ARHGEF38: variants seen among roughly 807,000 people sequenced by gnomAD.
ARHGEF38 encodes the protein Rho guanine nucleotide exchange factor (GEF) 38.
ARHGEF38 carries 79 observed loss-of-function variants against 79.9 expected under a neutral mutation model. That is an observed-to-expected ratio of 0.99 (90% CI 0.82 to 1.19). The LOEUF is 1.19. ARHGEF38 is among the 50% of genes most tolerant of loss of function. The pLI is 0.00. For synonymous variants in ARHGEF38, 366 were observed against 328.3 expected (o/e 1.11, Z -1.24); for missense variants, 962 against 907.2 (o/e 1.06, Z -0.78).
At chr4:105,635,962 A>G (rs1018482195) in intron 4 of ARHGEF38, among the ~76,000 whole-genome samples, 6 of 152,104 alleles carry the variant, frequency 3.9e-5, no homozygotes, top group Non-Finnish European at 8.8e-5. Context: ...CCACATATAC[A>G]AAGTACTGAG....
downstream of ARHGEF38, among the ~76,000 whole-genome samples, chr4:105,682,213 AG>A (rs1399618031): frequency 1.3e-5 from 2 of 152,236 alleles, no homozygotes; most frequent in East Asian, 3.8e-4. Flanking sequence ...TAAATCAATT[AG>A]GAAAATCCAT....
At chr4:105,576,973 C>T (rs1726533700) in intron 1 of ARHGEF38, among the ~76,000 whole-genome samples, 1 of 152,056 alleles carries the variant, frequency 6.6e-6, no homozygotes, top group Non-Finnish European at 1.5e-5. Flanking sequence ...ACACACTTGA[C>T]CATGGTGTAT....
chr4:105,675,150 C>T (rs116275642), intron 13 of ARHGEF38, among the ~76,000 whole-genome samples: 3,491 of 152,268 alleles, frequency 0.023, 44 homozygotes, highest in Middle Eastern at 0.051. Flanking sequence ...CAGTCCCTCT[C>T]CGCAAGAATA....
At chr4:105,587,586 A>G (rs1338020732) in intron 1 of ARHGEF38, among the ~76,000 whole-genome samples, 2 of 152,100 alleles carry the variant, frequency 1.3e-5, no homozygotes, top group African/African-American at 4.8e-5. Context: ...TCAGCCTTCA[A>G]AGTAGCTGGG....
At chr4:105,625,361 T>G (rs1184402683) in intron 3 of ARHGEF38, among the ~76,000 whole-genome samples, 1 of 152,208 alleles carries the variant, frequency 6.6e-6, no homozygotes, top group East Asian at 1.9e-4. Flanking sequence ...TAAGTTCAGC[T>G]GGGAGAAACA....
At chr4:105,628,759 C>A (rs1386061603) in intron 3 of ARHGEF38, among the ~76,000 whole-genome samples, 1 of 151,988 alleles carries the variant, frequency 6.6e-6, no homozygotes, top group Non-Finnish European at 1.5e-5. Flanking sequence ...TCTCACATTA[C>A]CTCAGAGTCT....
At chr4:105,640,633 C>T (rs1358508055) in intron 5 of ARHGEF38, among the ~76,000 whole-genome samples, 1 of 152,150 alleles carries the variant, frequency 6.6e-6, no homozygotes, top group Non-Finnish European at 1.5e-5. Context: ...TGGTGGAGTA[C>T]ATCCTTCAGT....
At chr4:105,597,583 A>G (rs1727637117) in intron 2 of ARHGEF38, among the ~76,000 whole-genome samples, 1 of 152,198 alleles carries the variant, frequency 6.6e-6, no homozygotes, top group South Asian at 2.1e-4. Context: ...ACTTTCTTAA[A>G]GTTGGCTACT....
At chr4:105,620,959 C>T (rs997660878) in intron 3 of ARHGEF38, among the ~76,000 whole-genome samples, 1 of 152,172 alleles carries the variant, frequency 6.6e-6, no homozygotes, top group Non-Finnish European at 1.5e-5. Context: ...ATTTTGGAAG[C>T]CTGCCATTTA....
At position 105,664,074 on chromosome 4, in the gene ARHGEF38, G is replaced by A. The variant is rs1730663321; in HGVS notation, c.1546-2103G>A. 3.3e-5 allele frequency among the ~76,000 whole-genome samples: 5 copies of A among 151,918 alleles called. No homozygotes were observed. The South Asian group carries it at 1.0e-3, about 32-fold the overall frequency. ...TCATTTGGGTTGTGTCTATCTCTTG[G>A]CTATTGTGAATAATGCTGCAATGAC... On this transcript the variant is annotated intron_variant, in intron 10 of 13. Coordinates refer to ENST00000420470, the MANE Select transcript of ARHGEF38 (RefSeq NM_001242729.2).
At position 105,655,613 on chromosome 4, in the gene ARHGEF38, C is replaced by A. The variant is rs1303280841; in HGVS notation, c.1124C>A (p.Pro375His). The A allele has an allele frequency of 6.5e-7, 1 of 1,534,760 alleles. No individual in the cohort carries two copies. The highest frequency in any genetic ancestry group is 8.7e-7 in the Non-Finnish European group (1 of 1,146,216). The change falls in exon 9 of 14, where the codon CCC (proline) becomes CAC (histidine). Residue 375 changes from proline (P) to histidine (H), a missense_variant. By Grantham distance (77) the Pro-to-His change is moderately conservative. Transcript: ENST00000420470. ...GTTCTTGGGTTTCAGGATGCCATGC[C>A]CCTGGCTCTGCAGAGTGTGATGGAC... Reference protein sequence around the residue: ...LCLQHIQDAMPLALQSVMDLQ... With the variant: ...LCLQHIQDAMHLALQSVMDLQ...
At chr4:105,556,579 GT>G (rs752822293) in intron 1 of ARHGEF38, among the ~76,000 whole-genome samples, 5 of 152,066 alleles carry the variant, frequency 3.3e-5, no homozygotes, top group Non-Finnish European at 7.4e-5. Context: ...GTCTGAAATG[GT>G]TTTTGTTTCC....
At chr4:105,642,344 T>C (rs1729653906) in intron 5 of ARHGEF38, among the ~76,000 whole-genome samples, 1 of 152,180 alleles carries the variant, frequency 6.6e-6, no homozygotes. Context: ...GAGAACGCCT[T>C]TTTTAGGATT....
Position 105,680,693 on chromosome 4 carries a change from T to G in ARHGEF38, c.*2756T>G, listed in dbSNP as rs999319635. 1 of 152,272 alleles carries G rather than the reference T, an allele frequency of 6.6e-6. No homozygotes were observed. Among genetic ancestry groups the G allele is most frequent in the African/African-American group, 2.4e-5 (1 of 41,440 alleles). 9.4% of individuals were successfully genotyped at this position (152,272 alleles called of 1,614,324 possible). On this transcript the variant is annotated 3_prime_UTR_variant, in exon 14 of 14. Transcript: ENST00000420470. Reference sequence around the variant, plus strand: ...TACGGTATATGTGTACTTATACATATGTACATAACCTAAATATACGTGTGC... The same window carrying G: ...TACGGTATATGTGTACTTATACATAGGTACATAACCTAAATATACGTGTGC...
Position 105,621,321 on chromosome 4 carries a change from T to C in ARHGEF38, c.508+7814T>C, listed in dbSNP as rs185881494. Among the ~76,000 whole-genome samples the C allele has an allele frequency of 4.4e-3, 668 of 152,388 alleles. 9 individuals are homozygous for C. The highest frequency in any genetic ancestry group is 0.015 in the African/African-American group (626 of 41,598). ...TAACCCAATAGCAATAGTCCTCTTA[T>C]ATGTGTTTGCATATTATAATGTTTC... On this transcript the variant is annotated intron_variant, in intron 3 of 13. Transcript: ENST00000420470.
Position 105,641,209 on chromosome 4 carries a change from G to GT in ARHGEF38, c.675-3978dup, listed in dbSNP as rs1729602753. ...TTTCAAGACATTATCTCCAACACTT[G>GT]TAAGAATTAGACACTTTCTTAAACA... is the stretch of plus-strand genomic sequence containing the variant. On this transcript the variant is annotated intron_variant, in intron 5 of 13. Coordinates refer to ENST00000420470, the MANE Select transcript of ARHGEF38 (RefSeq NM_001242729.2). Among the ~76,000 whole-genome samples, 2 of 151,770 alleles carry GT rather than the reference G, an allele frequency of 1.3e-5. 1 individual carries two copies. Among genetic ancestry groups the GT allele is most frequent in the Admixed American group, 1.3e-4 (2 of 15,214 alleles).
At chr4:105,566,131 G>A (rs7440980) in intron 1 of ARHGEF38, among the ~76,000 whole-genome samples, 3,815 of 152,138 alleles carry the variant, frequency 0.025, 91 homozygotes, top group Middle Eastern at 0.088. Context: ...CCTCATTGTC[G>A]AGATCTGTCT....
At chr4:105,582,637 AT>A (rs1338502876) in intron 1 of ARHGEF38, among the ~76,000 whole-genome samples, 1 of 152,104 alleles carries the variant, frequency 6.6e-6, no homozygotes, top group African/African-American at 2.4e-5. Flanking sequence ...TTATAACTTA[AT>A]TTATAATGTA....
chr4:105,648,021 C>T (rs1001518429), intron 6 of ARHGEF38, among the ~76,000 whole-genome samples: 1 of 151,726 alleles, frequency 6.6e-6, no homozygotes, highest in Non-Finnish European at 1.5e-5. Context: ...TCCCAAGTAC[C>T]TGGGACTACA....
Sources: gnomAD v4.1 joint callset for allele counts (sites outside exome capture counted in the v4.1 genomes callset) on GRCh38, gnomAD v4.1.1 for gene constraint, MANE v1.5 for transcripts, NCBI Gene and HGNC (gene_info 2026-07-23, HGNC 2026-07-21) for gene names.